KDM4C: variants seen among roughly 807,000 people sequenced by gnomAD.
The protein encoded by KDM4C is lysine-specific demethylase 4C.
Under a neutral mutation model 129.3 loss-of-function variants are expected in KDM4C, and 81 were observed. The ratio of observed to expected loss-of-function variants is 0.63; its 90% CI spans 0.52 to 0.75. The LOEUF (loss-of-function observed/expected upper bound fraction) is 0.75. KDM4C is among the 30% of genes least tolerant of loss of function. KDM4C has a pLI of 0.00. For synonymous variants in KDM4C, 573 were observed against 456.1 expected (o/e 1.26, Z -3.26); for missense variants, 1,457 against 1,304.0 (o/e 1.12, Z -1.81).
rs149317903 is a variant in KDM4C at position 6,984,064 on chromosome 9, T to G, written c.1116-102T>G. 48 of 712,306 alleles carry G rather than the reference T, an allele frequency of 6.7e-5. No homozygotes were observed. In the East Asian group the frequency reaches 8.7e-4, roughly 13 times the overall value. The allele number at this position is 712,306 out of a possible 1,614,324, so 44.1% of individuals were successfully genotyped here. A position where few individuals can be genotyped will look rare whatever the true frequency, so the allele number is the denominator to read the frequency against. ...TGGCATAGTGATTAACAATGTCAGT[T>G]GTTTCCTTCTTTAAGCAAGTGAAAA... is the stretch of plus-strand genomic sequence containing the variant. On this transcript the variant is annotated intron_variant, in intron 9 of 21. Transcript: ENST00000381309.
intron 1 of KDM4C, among the ~76,000 whole-genome samples, chr9:6,775,722 A>C (rs989064869): frequency 1.3e-5 from 2 of 151,928 alleles, no homozygotes; most frequent in African/African-American, 2.4e-5. Flanking sequence ...GGGTTTCTCC[A>C]TGTTGGTCAG....
At chr9:6,875,873 T>A (rs1843469405) in intron 5 of KDM4C, among the ~76,000 whole-genome samples, 1 of 152,214 alleles carries the variant, frequency 6.6e-6, no homozygotes, top group African/African-American at 2.4e-5. Context: ...TAGATTGTTT[T>A]AAAGTGATTC....
chr9:7,055,035 G>A (rs555793685), intron 17 of KDM4C, among the ~76,000 whole-genome samples: 1 of 152,024 alleles, frequency 6.6e-6, no homozygotes, highest in Admixed American at 6.6e-5. Flanking sequence ...AAATTAGCCG[G>A]GTGTGGGTGG....
At chr9:6,909,516 G>T (rs930106475) in intron 8 of KDM4C, among the ~76,000 whole-genome samples, 4 of 152,152 alleles carry the variant, frequency 2.6e-5, no homozygotes, top group African/African-American at 9.7e-5. Context: ...ATCACCAGAA[G>T]GGTAGGTGGG....
rs183555843 is a variant in KDM4C at position 6,803,028 on chromosome 9, A to G, written c.145-2571A>G. On this transcript the variant is annotated intron_variant, in intron 2 of 21. Coordinates refer to ENST00000381309, the MANE Select transcript of KDM4C (RefSeq NM_015061.6). ...AAAACTGGTGTATAGGTATGCATAT[A>G]GAAGCATAAAACTAAAGCCCAGCAA... 2.0e-5 allele frequency among the ~76,000 whole-genome samples: 3 copies of G among 152,378 alleles called. No homozygotes were observed. The East Asian group carries it at 5.8e-4, about 29-fold the overall frequency.
intron 2 of KDM4C, among the ~76,000 whole-genome samples, chr9:6,797,586 A>T (rs1382351024): frequency 6.6e-6 from 1 of 152,172 alleles, no homozygotes; most frequent in Non-Finnish European, 1.5e-5. Flanking sequence ...AACTTTTTTT[A>T]TATATGAAGT....
chr9:7,139,185 G>A (rs996993748), intron 19 of KDM4C, among the ~76,000 whole-genome samples: 1 of 152,166 alleles, frequency 6.6e-6, no homozygotes, highest in Non-Finnish European at 1.5e-5. Flanking sequence ...TGAGGTGGGA[G>A]GATCACTTGA....
intron 1 of KDM4C, among the ~76,000 whole-genome samples, chr9:6,743,481 A>G (rs184552935): frequency 1.1e-4 from 17 of 152,116 alleles, no homozygotes; most frequent in African/African-American, 4.1e-4. Flanking sequence ...GAGAAGCTAG[A>G]ACAAAGAATA....
intron 1 of KDM4C, among the ~76,000 whole-genome samples, chr9:6,745,608 A>G (rs912877439): frequency 6.7e-6 from 1 of 148,874 alleles, no homozygotes; most frequent in African/African-American, 2.5e-5. Flanking sequence ...ATGCCATACT[A>G]TATTTATTGT....
chr9:6,944,652 G>GTGTT (rs1826555639), intron 8 of KDM4C, among the ~76,000 whole-genome samples: 1 of 80,992 alleles, frequency 1.2e-5, no homozygotes, highest in African/African-American at 4.7e-5. Context: ...CAAGGTAGAG[G>GTGTT]TTTTTTTTTT....
At chr9:6,949,737 C>T (rs1827768567) in intron 8 of KDM4C, among the ~76,000 whole-genome samples, 2 of 152,348 alleles carry the variant, frequency 1.3e-5, no homozygotes, top group African/African-American at 2.4e-5. Context: ...AGGCACTCAG[C>T]AGGCTGAGGC....
At chr9:6,867,878 C>G (rs1430450477) in intron 5 of KDM4C, among the ~76,000 whole-genome samples, 1 of 152,244 alleles carries the variant, frequency 6.6e-6, no homozygotes, top group Non-Finnish European at 1.5e-5. Context: ...CGCTTGTGGG[C>G]AAAATTTCAG....
At chr9:6,769,637 G>A (rs1038435790) in intron 1 of KDM4C, among the ~76,000 whole-genome samples, 1 of 152,076 alleles carries the variant, frequency 6.6e-6, no homozygotes, top group Non-Finnish European at 1.5e-5. Flanking sequence ...TTATAAGAAG[G>A]TTCTTTTTAA....
intron 4 of KDM4C, among the ~76,000 whole-genome samples, chr9:6,818,685 G>A (rs982573136): frequency 2.4e-4 from 36 of 152,174 alleles, no homozygotes; most frequent in African/African-American, 8.7e-4. Context: ...GCTTCTGTGC[G>A]ATTTCCATTG....
chr9:6,827,284 C>G (rs1399558093), intron 4 of KDM4C, among the ~76,000 whole-genome samples: 2 of 152,236 alleles, frequency 1.3e-5, no homozygotes, highest in Admixed American at 6.5e-5. Context: ...ACTGCTCTCT[C>G]TCGTTCCTTC....
In KDM4C at chr9:6,773,332, A is replaced by T. The variant is rs189327927; in HGVS notation, c.-18+15129A>T. 3.1e-3 allele frequency among the ~76,000 whole-genome samples: 467 copies of T among 152,312 alleles called. 3 individuals are homozygous for T. The highest frequency in any genetic ancestry group is 0.011 in the African/African-American group (447 of 41,556). ...CTACCATAAATTACCATTTTTTAAA[A>T]AACGAAAGCAGATACTTTAGACAAA... On this transcript the variant is annotated intron_variant, in intron 1 of 21. Transcript: ENST00000381309.
intron 15 of KDM4C, among the ~76,000 whole-genome samples, chr9:7,043,707 A>G (rs1355890128): frequency 6.6e-6 from 1 of 151,776 alleles, no homozygotes; most frequent in Non-Finnish European, 1.5e-5. Context: ...AAATTGGGAG[A>G]ATAGAACAGA....
At chr9:7,133,596 A>C (rs1447535109) in intron 19 of KDM4C, among the ~76,000 whole-genome samples, 1 of 152,180 alleles carries the variant, frequency 6.6e-6, no homozygotes, top group Non-Finnish European at 1.5e-5. Flanking sequence ...TCCTGATTGC[A>C]GGTTAGTCCC....
chr9:6,844,280 CTA>C (rs75266203), intron 4 of KDM4C, among the ~76,000 whole-genome samples: 13,819 of 152,188 alleles, frequency 0.091, 834 homozygotes, highest in East Asian at 0.26. Context: ...CTAATTTACA[CTA>C]TTTTATTTTT....
Sources: allele counts gnomAD v4.1 joint callset (sites outside exome capture counted in the v4.1 genomes callset), GRCh38; gene constraint gnomAD v4.1.1; transcripts MANE v1.5; gene names NCBI Gene and HGNC (gene_info 2026-07-23, HGNC 2026-07-21).